LMAN2L: variants seen among roughly 807,000 people sequenced by gnomAD.
LMAN2L encodes VIP36-like protein.
LMAN2L carries 30 observed loss-of-function variants against 44.3 expected under a neutral mutation model. The observed-to-expected ratio is 0.68, with a 90% CI of 0.51 to 0.92. The LOEUF (loss-of-function observed/expected upper bound fraction) is 0.92. Ranked by LOEUF, LMAN2L falls within the 40% of genes least tolerant of loss-of-function variation. The pLI is 0.00. For missense variants in LMAN2L, 429 were observed against 446.1 expected (o/e 0.96, Z 0.35); for synonymous variants, 183 against 171.1 (o/e 1.07, Z -0.54).
intron 2 of LMAN2L, among the ~76,000 whole-genome samples, chr2:96,735,199 G>A (rs1362040238): frequency 6.6e-6 from 1 of 152,142 alleles, no homozygotes; most frequent in African/African-American, 2.4e-5. Context: ...GTTTTAAATA[G>A]TTGAACGGTT....
chr2:96,736,793 A>C (rs1017294183), intron 2 of LMAN2L, among the ~76,000 whole-genome samples: 3 of 152,200 alleles, frequency 2.0e-5, no homozygotes, highest in Non-Finnish European at 2.9e-5. Flanking sequence ...AGCTGGACCG[A>C]GAATCCCAGT....
intron 4 of LMAN2L, among the ~76,000 whole-genome samples, chr2:96,726,818 T>C (rs958297396): frequency 6.6e-6 from 1 of 151,322 alleles, no homozygotes; most frequent in Non-Finnish European, 1.5e-5. Context: ...AGTGGCTCAC[T>C]CACACCTGTA....
chr2:96,732,494 G>C (rs2078422716), intron 4 of LMAN2L, among the ~76,000 whole-genome samples: 1 of 151,552 alleles, frequency 6.6e-6, no homozygotes, highest in African/African-American at 2.4e-5. Context: ...AAATACAAAA[G>C]TTAGCTGGGT....
chr2:96,710,535 G>A (rs953809903), intron 6 of LMAN2L, among the ~76,000 whole-genome samples: 17 of 152,052 alleles, frequency 1.1e-4, no homozygotes, highest in Admixed American at 6.6e-5. Flanking sequence ...GCGTGGTGGC[G>A]CGCCTGTAGT....
intron 6 of LMAN2L, 131 bp from the exon 7 acceptor site, chr2:96,707,964 C>CGG: frequency 1.1e-6 from 1 of 869,720 alleles, no homozygotes. Flanking sequence ...ATTGAAACCT[C>CGG]TCCATTTTGC....
chr2:96,712,058 G>T, intron 4 of LMAN2L, 33 bp from the exon 5 acceptor site: 1 of 1,610,060 alleles, frequency 6.2e-7, no homozygotes, highest in Non-Finnish European at 8.5e-7. Context: ...CAGACACTAA[G>T]GAAGAGCACA....
At chr2:96,733,959 C>T (rs1453895236) in intron 3 of LMAN2L, among the ~76,000 whole-genome samples, 2 of 152,190 alleles carry the variant, frequency 1.3e-5, no homozygotes, top group African/African-American at 4.8e-5. Flanking sequence ...TTCCCTAGTT[C>T]TCCTTCTTGT....
rs2077801138 is a variant in LMAN2L, at chr2:96,707,199, C to T, written c.*57G>A. 2.6e-6 allele frequency: 4 copies of T among 1,562,652 alleles called. No individual in the cohort carries two copies. Among genetic ancestry groups the T allele is most frequent in the Non-Finnish European group, 3.5e-6 (4 of 1,140,178 alleles). On this transcript the variant is annotated 3_prime_UTR_variant, in exon 8 of 8. Transcript: ENST00000264963. Reference sequence around the variant, plus strand: ...TCCAGGCTGCATGCTCAGGCCAGTGCCTGCTCCTTCCATACCTCATGGGTG... The same window carrying T: ...TCCAGGCTGCATGCTCAGGCCAGTGTCTGCTCCTTCCATACCTCATGGGTG...
At chr2:96,720,882 T>C (rs2078138154) in intron 4 of LMAN2L, among the ~76,000 whole-genome samples, 2 of 152,092 alleles carry the variant, frequency 1.3e-5, no homozygotes, top group Non-Finnish European at 2.9e-5. Context: ...GACGTTGCAG[T>C]GAGCCAAGAT....
intron 4 of LMAN2L, among the ~76,000 whole-genome samples, chr2:96,732,347 C>T (rs2078417708): frequency 6.6e-6 from 1 of 151,270 alleles, no homozygotes; most frequent in African/African-American, 2.4e-5. Flanking sequence ...AACCCACTGT[C>T]AATATAAGAA....
intron 4 of LMAN2L, among the ~76,000 whole-genome samples, chr2:96,715,822 G>C (rs1409039667): frequency 1.3e-5 from 2 of 152,210 alleles, no homozygotes; most frequent in Admixed American, 6.5e-5. Context: ...AGGGAGACCT[G>C]AGTTCTAACT....
chr2:96,715,226 C>T (rs931661183), intron 4 of LMAN2L, among the ~76,000 whole-genome samples: 3 of 152,150 alleles, frequency 2.0e-5, no homozygotes, highest in Admixed American at 6.6e-5. Context: ...CGTGAGCCAC[C>T]GCACCCAGCC....
Position 96,720,493 on chromosome 2 carries a change from T to A in LMAN2L, c.508-8468A>T, listed in dbSNP as rs1425221320. The stretch of plus-strand genomic sequence containing the variant: ...TCTTTACCTTTTTTTTTTTTTTGAT[T>A]TTTTGTAGAGATGAGGACTTGCTAT... On this transcript the variant is annotated intron_variant, in intron 4 of 7. Coordinates refer to ENST00000264963, the MANE Select transcript of LMAN2L (RefSeq NM_030805.4). 7.2e-5 allele frequency among the ~76,000 whole-genome samples: 11 copies of A among 152,146 alleles called. No homozygotes were observed. The South Asian group carries it at 2.1e-3, about 29-fold the overall frequency.
intron 6 of LMAN2L, 118 bp downstream of exon 6, chr2:96,711,538 G>C: frequency 1.5e-6 from 1 of 663,032 alleles, no homozygotes. Flanking sequence ...AAGCAGTCTT[G>C]AGGCACCTCC....
chr2:96,713,144 G>C lies in LMAN2L; in HGVS notation c.508-1119C>G, dbSNP rs754354980. 6.3e-5 allele frequency: 97 copies of C among 1,551,136 alleles called. 1 individual carries two copies. In the South Asian group the frequency reaches 1.1e-3, roughly 18 times the overall value. ...AGAATATCGCCTCTTCTGGGCCTGA[G>C]AGGGTCCAGCAGGTTATGATAAAAA... On this transcript the variant is annotated intron_variant, in intron 4 of 7. Coordinates refer to ENST00000264963, the MANE Select transcript of LMAN2L (RefSeq NM_030805.4).
At position 96,706,333 on chromosome 2, in the gene LMAN2L, A is replaced by G. The variant is rs191968780; in HGVS notation, c.*923T>C. ...GGGATTCCAAAAATCGTAACTACAA[A>G]ACATGCAGCTAAGCAGGCTCTAGCA... On this transcript the variant is annotated 3_prime_UTR_variant, in exon 8 of 8. Transcript: ENST00000264963. 1 of 152,362 alleles carries G rather than the reference A, an allele frequency of 6.6e-6. No individual in the cohort carries two copies. The highest frequency in any genetic ancestry group is 6.5e-5 in the Admixed American group (1 of 15,306). 9.4% of individuals were successfully genotyped at this position (152,362 alleles called of 1,614,324 possible). A position where few individuals can be genotyped will look rare whatever the true frequency, so the allele number is the denominator to read the frequency against.
intron 4 of LMAN2L, among the ~76,000 whole-genome samples, chr2:96,732,247 G>A (rs1019909508): frequency 1.4e-5 from 2 of 146,348 alleles, no homozygotes; most frequent in East Asian, 2.0e-4. Flanking sequence ...TGATTTCCTC[G>A]CTAGGTACTT....
At chr2:96,718,202 C>A (rs978737529) in intron 4 of LMAN2L, among the ~76,000 whole-genome samples, 1 of 152,152 alleles carries the variant, frequency 6.6e-6, no homozygotes, top group Non-Finnish European at 1.5e-5. Context: ...GTGATCCACC[C>A]GCCTTGGCTT....
chr2:96,713,320 C>G (rs1292177322), intron 4 of LMAN2L, among the ~76,000 whole-genome samples: 1 of 152,158 alleles, frequency 6.6e-6, no homozygotes, highest in Non-Finnish European at 1.5e-5. Context: ...TTTGCACCCT[C>G]AAGATGATAG....
Sources: allele counts gnomAD v4.1 joint callset (sites outside exome capture counted in the v4.1 genomes callset), GRCh38; gene constraint gnomAD v4.1.1; transcripts MANE v1.5; gene names NCBI Gene and HGNC (gene_info 2026-07-23, HGNC 2026-07-21).